Variants in GARNL3 observed in about 807,000 individuals in gnomAD.
GARNL3 encodes GTPase activating Rap/RanGAP domain like 3.
Under a neutral mutation model 125.0 loss-of-function variants are expected in GARNL3, and 63 were observed. The observed-to-expected ratio is 0.50, with a 90% CI of 0.41 to 0.62. GARNL3 has a LOEUF of 0.62. Among genes scored for constraint, GARNL3 ranks in the 20% least tolerant of loss-of-function variants. The pLI, the probability that GARNL3 is intolerant of heterozygous loss-of-function variation, is 0.00. For synonymous variants in GARNL3, 439 were observed against 457.5 expected, an observed-to-expected ratio of 0.96 and a Z score of 0.52; for missense variants, 994 against 1,244.0, an observed-to-expected ratio of 0.80 and a Z score of 3.02.
chr9:127,339,252 G>A (rs944788534), intron 12 of GARNL3, among the ~76,000 whole-genome samples: 4 of 149,524 alleles, frequency 2.7e-5, no homozygotes, highest in East Asian at 3.9e-4. Flanking sequence ...AGCCCAGATC[G>A]CACCACTGCA....
intron 2 of GARNL3, among the ~76,000 whole-genome samples, chr9:127,243,915 G>A (rs1329534126): frequency 2.0e-5 from 3 of 152,130 alleles, no homozygotes; most frequent in Non-Finnish European, 2.9e-5. Flanking sequence ...AGTTTTCCAG[G>A]GGGAATCAAA....
intron 22 of GARNL3, among the ~76,000 whole-genome samples, chr9:127,372,589 A>G (rs1831668994): frequency 1.3e-5 from 2 of 152,220 alleles, no homozygotes; most frequent in African/African-American, 4.8e-5. Context: ...TTAGCTCTAC[A>G]TAGTGTAATA....
intron 1 of GARNL3, among the ~76,000 whole-genome samples, chr9:127,229,164 CAG>C (rs1445918194): frequency 8.5e-5 from 13 of 152,194 alleles, no homozygotes; most frequent in African/African-American, 2.9e-4. Flanking sequence ...TAACTTAAAA[CAG>C]ATAAATGTTC....
chr9:127,318,198 A>T (rs2065293982), intron 5 of GARNL3, 71 bp downstream of exon 5: 1 of 913,570 alleles, frequency 1.1e-6, no homozygotes, highest in Non-Finnish European at 1.8e-6. Flanking sequence ...GCCTGTGATC[A>T]TTCTGATGTT....
At chr9:127,345,908 T>C (rs911990014) in intron 16 of GARNL3, among the ~76,000 whole-genome samples, 1 of 152,250 alleles carries the variant, frequency 6.6e-6, no homozygotes, top group African/African-American at 2.4e-5. Context: ...TCCTGGGCAG[T>C]GCTGCTCAAG....
At chr9:127,338,746 T>C (rs1021590058) in intron 12 of GARNL3, among the ~76,000 whole-genome samples, 5 of 152,200 alleles carry the variant, frequency 3.3e-5, no homozygotes, top group Non-Finnish European at 7.3e-5. Context: ...CTCTTCTTCC[T>C]GGGTACCTGG....
intron 4 of GARNL3, among the ~76,000 whole-genome samples, chr9:127,314,211 A>G (rs1183181011): frequency 2.0e-5 from 3 of 152,146 alleles, no homozygotes; most frequent in Admixed American, 2.0e-4. Flanking sequence ...CACATCCGCT[A>G]TGAGCTATAG....
At position 127,386,491 on chromosome 9, in the gene GARNL3, C is replaced by T. The variant is rs560403821; in HGVS notation, c.2389-702C>T. Among the ~76,000 whole-genome samples the T allele has an allele frequency of 2.4e-4, 36 of 152,308 alleles. 1 individual carries two copies. In the Middle Eastern group the frequency reaches 0.01, roughly 43 times the overall value. Reference sequence around the variant, plus strand: ...GCCACTGCAGGTGGTGCTGGGGAGACGTGCATTATCCCCCATGGTGCAGTA... The same window carrying T: ...GCCACTGCAGGTGGTGCTGGGGAGATGTGCATTATCCCCCATGGTGCAGTA... On this transcript the variant is annotated intron_variant, in intron 24 of 27. Coordinates refer to ENST00000373387, the MANE Select transcript of GARNL3 (RefSeq NM_032293.5).
intron 25 of GARNL3, 147 bp from the exon 26 acceptor site, chr9:127,388,757 T>C: frequency 1.6e-6 from 1 of 627,978 alleles, no homozygotes; most frequent in Non-Finnish European, 2.8e-6. Flanking sequence ...TCAGTGCTCC[T>C]GGCCAGCCCT....
intron 22 of GARNL3, chr9:127,366,915 A>T (rs1177450507): frequency 6.6e-6 from 1 of 151,652 alleles, no homozygotes; most frequent in Non-Finnish European, 1.5e-5. Flanking sequence ...TCAGGCTCTG[A>T]CTTCATCTCA....
In GARNL3 at chr9:127,355,477, G is replaced by A. The variant is rs538908988; in HGVS notation, c.1935+5G>A. On this transcript the variant is annotated splice_donor_5th_base_variant and intron_variant, in intron 20 of 27. Transcript: ENST00000373387. Reference sequence around the variant, plus strand: ...GAAGAATTCCAGTACATCAGGGTAGGTTTGCTCTTTAAATCATTTATCTCC... The same window carrying A: ...GAAGAATTCCAGTACATCAGGGTAGATTTGCTCTTTAAATCATTTATCTCC... The A allele has an allele frequency of 1.7e-5, 28 of 1,613,772 alleles. No homozygotes were observed. In the African/African-American group the frequency reaches 3.5e-4, roughly 20 times the overall value.
intron 2 of GARNL3, among the ~76,000 whole-genome samples, chr9:127,249,813 G>C (rs972037154): frequency 2.6e-5 from 4 of 152,074 alleles, no homozygotes; most frequent in African/African-American, 9.7e-5. Flanking sequence ...TTTGAGACCA[G>C]CCTGGCCAAC....
chr9:127,268,199 C>G (rs1212971841), intron 1 of GARNL3, among the ~76,000 whole-genome samples: 2 of 152,198 alleles, frequency 1.3e-5, no homozygotes, highest in Admixed American at 1.3e-4. Flanking sequence ...AGCCTCACAC[C>G]GTGTCCCCAG....
intron 11 of GARNL3, among the ~76,000 whole-genome samples, chr9:127,337,345 A>G (rs1333017594): frequency 2.0e-5 from 3 of 151,922 alleles, no homozygotes; most frequent in Admixed American, 6.6e-5. Flanking sequence ...ATTTTTTAGA[A>G]TTTCCCTGAG....
intron 2 of GARNL3, among the ~76,000 whole-genome samples, chr9:127,249,102 T>A (rs951392359): frequency 2.0e-5 from 2 of 98,842 alleles, no homozygotes; most frequent in Non-Finnish European, 5.1e-5. Flanking sequence ...GTACCTGGCA[T>A]GTAAAAAGTG....
chr9:127,231,050 A>ATATATTTTTT (rs1161629810), intron 1 of GARNL3, among the ~76,000 whole-genome samples: 35 of 89,548 alleles, frequency 3.9e-4, no homozygotes, highest in African/African-American at 2.5e-3. Context: ...ATATATATAT[A>ATATATTTTTT]TTTTTTTTTT....
chr9:127,330,050 G>A (rs145787769), intron 7 of GARNL3, among the ~76,000 whole-genome samples: 24 of 152,238 alleles, frequency 1.6e-4, no homozygotes, highest in East Asian at 3.9e-4. Context: ...GCATCACCTC[G>A]GAACTTGTTA....
In GARNL3 at chr9:127,320,702, C is replaced by T. The variant is rs1248136167; in HGVS notation, c.504-13C>T. 6.2e-7 allele frequency: 1 copy of T among 1,601,678 alleles called. No individual in the cohort carries two copies. Among genetic ancestry groups the T allele is most frequent in the African/African-American group, 1.3e-5 (1 of 74,774 alleles). The stretch of plus-strand genomic sequence containing the variant: ...CTCTGATGCTGCAGCTCATCCTGTC[C>T]ATTCTATTTCAGTGCCATGAATCTG... On this transcript the variant is annotated splice_polypyrimidine_tract_variant and intron_variant, in intron 5 of 27. Transcript: ENST00000373387.
chr9:127,355,880 A>G (rs1830662474), intron 20 of GARNL3, among the ~76,000 whole-genome samples: 1 of 152,246 alleles, frequency 6.6e-6, no homozygotes, highest in Non-Finnish European at 1.5e-5. Context: ...TGTCCCAGGA[A>G]GCCCTCTCTG....
Sources: gnomAD v4.1 joint callset for allele counts (sites outside exome capture counted in the v4.1 genomes callset) on GRCh38, gnomAD v4.1.1 for gene constraint, MANE v1.5 for transcripts, NCBI Gene and HGNC (gene_info 2026-07-23, HGNC 2026-07-21) for gene names.